The following RIMS2 variants were observed in gnomAD, a reference collection of about 807,000 sequenced individuals.
RIMS2 encodes the protein regulating synaptic membrane exocytosis protein 2.
A neutral mutation model predicts 174.4 loss-of-function variants in RIMS2; 59 were observed. That is an observed-to-expected ratio of 0.34 (90% CI 0.27 to 0.42). The LOEUF is 0.42. Among genes scored for constraint, RIMS2 ranks in the 10% least tolerant of loss-of-function variants. The pLI is 1.00. For synonymous variants in RIMS2, 606 were observed against 572.5 expected, an observed-to-expected ratio of 1.06 and a Z score of -0.84; for missense variants, 1,620 against 1,666.3, an observed-to-expected ratio of 0.97 and a Z score of 0.48.
intron 19 of RIMS2, among the ~76,000 whole-genome samples, chr8:104,135,646 A>G (rs1241115907): frequency 6.6e-6 from 1 of 151,064 alleles, no homozygotes; most frequent in Admixed American, 6.6e-5. Flanking sequence ...GAATGCTGAA[A>G]TGTTGAGATG....
chr8:103,617,087 C>G (rs943218033), intron 1 of RIMS2, among the ~76,000 whole-genome samples: 6 of 152,106 alleles, frequency 3.9e-5, no homozygotes, highest in African/African-American at 1.4e-4. Flanking sequence ...AAGAACAAAG[C>G]TGGCAGCATC....
At chr8:103,768,753 A>G (rs990472627) in intron 3 of RIMS2, 6 of 756,856 alleles carry the variant, frequency 7.9e-6, no homozygotes, top group Admixed American at 1.7e-5. Context: ...AGTATGTTGT[A>G]AGAAAGCCTT....
intron 19 of RIMS2, among the ~76,000 whole-genome samples, chr8:104,103,517 G>C (rs907854181): frequency 6.6e-6 from 1 of 151,976 alleles, no homozygotes; most frequent in Non-Finnish European, 1.5e-5. Flanking sequence ...TTTGTTTAGG[G>C]TTTAGTTTGT....
In RIMS2 at chr8:103,885,784, A is replaced by G. The variant is rs756356961; in HGVS notation, c.1185A>G (p.Arg395=). ...GGATGGATCGACCATCAAGGCAAAG[A>G]TCTATATCAGAACGTAGAGCTGCCA... Residue 395 remains arginine (R), a synonymous_variant, in exon 4 of 24, where the codon AGA becomes AGG. Coordinates refer to ENST00000504942, the Ensembl canonical transcript of RIMS2. The G allele has an allele frequency of 6.2e-6, 10 of 1,612,844 alleles. No homozygotes were observed. In the South Asian group the frequency reaches 1.1e-4, roughly 18 times the overall value.
intron 19 of RIMS2, among the ~76,000 whole-genome samples, chr8:104,064,171 A>G (rs2097059699): frequency 6.6e-6 from 1 of 152,174 alleles, no homozygotes; most frequent in South Asian, 2.1e-4. Flanking sequence ...AGGCTTTTTA[A>G]AGTTCAAAGT....
At chr8:104,093,898 T>G (rs2097707498) in intron 19 of RIMS2, among the ~76,000 whole-genome samples, 1 of 152,048 alleles carries the variant, frequency 6.6e-6, no homozygotes, top group African/African-American at 2.4e-5. Context: ...TTCATGTTTG[T>G]AATTTAAAAA....
intron 2 of RIMS2, among the ~76,000 whole-genome samples, chr8:103,753,150 G>A (rs532921122): frequency 6.7e-6 from 1 of 149,510 alleles, no homozygotes; most frequent in East Asian, 1.9e-4. Flanking sequence ...ATGAAGGGTA[G>A]TTGAATTTTG....
At chr8:104,176,777 A>G (rs937028989) in intron 19 of RIMS2, among the ~76,000 whole-genome samples, 4 of 151,804 alleles carry the variant, frequency 2.6e-5, no homozygotes, top group African/African-American at 9.7e-5. Context: ...TGACAGCCAT[A>G]TTTTTTCCAC....
chr8:103,721,645 A>C (rs2097450130), intron 2 of RIMS2, among the ~76,000 whole-genome samples: 1 of 152,150 alleles, frequency 6.6e-6, no homozygotes, highest in African/African-American at 2.4e-5. Flanking sequence ...TTTATTATAC[A>C]TTTTACTACT....
chr8:104,062,271 G>A (rs1442536896), intron 19 of RIMS2, among the ~76,000 whole-genome samples: 1 of 151,994 alleles, frequency 6.6e-6, no homozygotes, highest in Non-Finnish European at 1.5e-5. Flanking sequence ...GGGCGTGGTG[G>A]TGCAAGTCTG....
chr8:103,605,681 T>C (rs1488811891), intron 1 of RIMS2, among the ~76,000 whole-genome samples: 1 of 152,232 alleles, frequency 6.6e-6, no homozygotes, highest in South Asian at 2.1e-4. Flanking sequence ...TTTCTGATCC[T>C]GTTATTGATC....
chr8:103,814,069 A>C (rs1462476915), intron 3 of RIMS2, among the ~76,000 whole-genome samples: 7 of 152,322 alleles, frequency 4.6e-5, no homozygotes, highest in Admixed American at 1.3e-4. Context: ...ATGCGCCATA[A>C]AAAAGAACAA....
intron 19 of RIMS2, among the ~76,000 whole-genome samples, chr8:104,073,084 T>C (rs2097221769): frequency 6.6e-6 from 1 of 152,206 alleles, no homozygotes; most frequent in South Asian, 2.1e-4. Context: ...CAACTTTCTT[T>C]CCTCTTTATT....
intron 2 of RIMS2, among the ~76,000 whole-genome samples, chr8:103,742,131 T>A (rs935330087): frequency 6.6e-6 from 1 of 152,090 alleles, no homozygotes; most frequent in Non-Finnish European, 1.5e-5. Context: ...ATGCTTTCAA[T>A]GTAGGCTTTA....
chr8:104,241,416 A>G (rs1387872689), intron 19 of RIMS2, among the ~76,000 whole-genome samples: 2 of 152,176 alleles, frequency 1.3e-5, no homozygotes, highest in African/African-American at 2.4e-5. Flanking sequence ...CATGCTTATC[A>G]TATTATTCTT....
intron 14 of RIMS2, among the ~76,000 whole-genome samples, chr8:103,950,750 T>C (rs1366387050): frequency 1.3e-5 from 2 of 152,196 alleles, no homozygotes; most frequent in African/African-American, 2.4e-5. Flanking sequence ...CCAGCTGTTA[T>C]TGAAAGTTGT....
At chr8:103,951,380 G>A (rs1016771492) in intron 14 of RIMS2, among the ~76,000 whole-genome samples, 1 of 152,172 alleles carries the variant, frequency 6.6e-6, no homozygotes, top group Non-Finnish European at 1.5e-5. Flanking sequence ...CGCAGAAGGC[G>A]GGTGATTTCT....
At chr8:103,694,425 C>T (rs2097072651) in intron 1 of RIMS2, among the ~76,000 whole-genome samples, 1 of 151,814 alleles carries the variant, frequency 6.6e-6, no homozygotes, top group Non-Finnish European at 1.5e-5. Flanking sequence ...ATGACTAGGG[C>T]TTTAGGCACT....
intron 1 of RIMS2, among the ~76,000 whole-genome samples, chr8:103,660,357 T>C (rs2096583741): frequency 6.6e-6 from 1 of 152,236 alleles, no homozygotes; most frequent in African/African-American, 2.4e-5. Context: ...TTCCTGCTAT[T>C]CCTGCCTCTG....
Sources: allele counts gnomAD v4.1 joint callset (sites outside exome capture counted in the v4.1 genomes callset), GRCh38; gene constraint gnomAD v4.1.1; transcripts MANE v1.5; gene names NCBI Gene and HGNC (gene_info 2026-07-23, HGNC 2026-07-21).